Variants in DOCK3 observed in about 807,000 individuals in gnomAD.
The protein encoded by DOCK3 is dedicator of cytokinesis 3.
A neutral mutation model predicts 265.6 loss-of-function variants in DOCK3; 60 were observed. That is an observed-to-expected ratio of 0.23 (90% CI 0.18 to 0.28). DOCK3 has a LOEUF of 0.28. Ranked by LOEUF, DOCK3 falls within the 10% of genes least tolerant of loss-of-function variation. DOCK3 has a pLI of 1.00. For synonymous variants in DOCK3, 881 were observed against 938.0 expected (o/e 0.94, Z 1.11); for missense variants, 1,981 against 2,594.3 (o/e 0.76, Z 5.14).
chr3:50,909,318 C>G (rs1005085917), intron 4 of DOCK3, among the ~76,000 whole-genome samples: 1 of 152,034 alleles, frequency 6.6e-6, no homozygotes, highest in Non-Finnish European at 1.5e-5. Flanking sequence ...CACTGTTCTT[C>G]TGTGTACTTC....
intron 4 of DOCK3, among the ~76,000 whole-genome samples, chr3:50,923,403 G>A (rs926721725): frequency 6.6e-6 from 1 of 151,938 alleles, no homozygotes; most frequent in Non-Finnish European, 1.5e-5. Context: ...TGAATATTAT[G>A]GAATTCCCTC....
chr3:50,709,724 G>A (rs1332946465), intron 1 of DOCK3, among the ~76,000 whole-genome samples: 3 of 152,192 alleles, frequency 2.0e-5, no homozygotes, highest in Non-Finnish European at 4.4e-5. Flanking sequence ...TACTTGGGAG[G>A]CTGAGGCAGG....
intron 5 of DOCK3, among the ~76,000 whole-genome samples, chr3:50,935,292 T>C (rs2051294489): frequency 6.6e-6 from 1 of 152,182 alleles, no homozygotes; most frequent in Non-Finnish European, 1.5e-5. Context: ...GTGGAATCCA[T>C]AACCAGTACT....
At chr3:51,180,218 A>AC (rs2087204696) in intron 12 of DOCK3, among the ~76,000 whole-genome samples, 2 of 148,590 alleles carry the variant, frequency 1.3e-5, no homozygotes, top group South Asian at 4.2e-4. Context: ...AAAAAAAAAA[A>AC]AAAAAAAACA....
intron 1 of DOCK3, among the ~76,000 whole-genome samples, chr3:50,756,740 G>T (rs1166325387): frequency 6.6e-6 from 1 of 152,070 alleles, no homozygotes; most frequent in Non-Finnish European, 1.5e-5. Flanking sequence ...CATGCAGACT[G>T]GTATCTTGTG....
chr3:50,682,869 G>A (rs1449702978), intron 1 of DOCK3, among the ~76,000 whole-genome samples: 2 of 152,366 alleles, frequency 1.3e-5, no homozygotes, highest in Non-Finnish European at 2.9e-5. Flanking sequence ...AACCTGGGAG[G>A]CGGAGGTTGT....
intron 1 of DOCK3, among the ~76,000 whole-genome samples, chr3:50,745,817 A>C (rs1049518318): frequency 2.6e-5 from 4 of 152,230 alleles, no homozygotes; most frequent in Non-Finnish European, 5.9e-5. Context: ...CGTGGTTGTT[A>C]TAAGTGTCCA....
At chr3:51,313,156 G>GA (rs1246802179) in intron 31 of DOCK3, among the ~76,000 whole-genome samples, 2 of 151,540 alleles carry the variant, frequency 1.3e-5, no homozygotes, top group Admixed American at 6.6e-5. Context: ...AAAGTCAAAA[G>GA]AAAAAAAAGA....
intron 9 of DOCK3, among the ~76,000 whole-genome samples, chr3:51,131,013 A>G (rs75738550): frequency 0.025 from 3,844 of 152,084 alleles, 185 homozygotes; most frequent in African/African-American, 0.088. Flanking sequence ...CGGGCACAAT[A>G]GTTTTTTAGT....
At chr3:51,132,387 G>T (rs762755915) in intron 9 of DOCK3, among the ~76,000 whole-genome samples, 5 of 152,110 alleles carry the variant, frequency 3.3e-5, no homozygotes, top group Non-Finnish European at 7.3e-5. Context: ...TCACCTCTAG[G>T]GGCCCGCTGG....
At chr3:50,929,472 C>A (rs537586173) in intron 4 of DOCK3, among the ~76,000 whole-genome samples, 1 of 152,272 alleles carries the variant, frequency 6.6e-6, no homozygotes, top group East Asian at 1.9e-4. Context: ...TCATGTTGGT[C>A]TTCTTTTCCG....
At chr3:50,980,746 A>T (rs556678542) in intron 5 of DOCK3, among the ~76,000 whole-genome samples, 2 of 152,108 alleles carry the variant, frequency 1.3e-5, no homozygotes, top group East Asian at 3.8e-4. Flanking sequence ...TTGTTAGTAT[A>T]TAGTTCATAA....
intron 12 of DOCK3, among the ~76,000 whole-genome samples, chr3:51,170,015 C>A (rs2086598364): frequency 6.6e-6 from 1 of 152,036 alleles, no homozygotes. Flanking sequence ...TATCTAAAAT[C>A]TGAAATGCTC....
intron 5 of DOCK3, among the ~76,000 whole-genome samples, chr3:50,963,042 G>A (rs571240342): frequency 6.6e-5 from 10 of 152,180 alleles, no homozygotes; most frequent in African/African-American, 9.6e-5. Flanking sequence ...AAAATTAGCC[G>A]GGTGTGGTGG....
chr3:51,005,644 A>C (rs1054709678), intron 5 of DOCK3, among the ~76,000 whole-genome samples: 3 of 152,134 alleles, frequency 2.0e-5, no homozygotes, highest in Non-Finnish European at 2.9e-5. Context: ...ACTCCAATCA[A>C]ATGTTTAGCA....
intron 3 of DOCK3, among the ~76,000 whole-genome samples, chr3:50,855,379 A>G (rs1456774806): frequency 1.3e-5 from 2 of 151,458 alleles, no homozygotes; most frequent in Admixed American, 6.6e-5. Flanking sequence ...GTATTGTATT[A>G]TGTTGTGTTG....
chr3:51,107,571 A>G (rs2083338052), intron 9 of DOCK3, among the ~76,000 whole-genome samples: 1 of 152,196 alleles, frequency 6.6e-6, no homozygotes, highest in Admixed American at 6.5e-5. Flanking sequence ...AGCAGAATAG[A>G]CCAAGCTGAG....
At chr3:51,133,526 G>C (rs2084658653) in intron 9 of DOCK3, among the ~76,000 whole-genome samples, 1 of 151,990 alleles carries the variant, frequency 6.6e-6, no homozygotes, top group Admixed American at 6.6e-5. Flanking sequence ...GTGTTCCATG[G>C]TGTATATGTG....
intron 5 of DOCK3, among the ~76,000 whole-genome samples, chr3:51,020,329 C>T (rs1033365511): frequency 6.6e-6 from 1 of 151,146 alleles, no homozygotes; most frequent in Non-Finnish European, 1.5e-5. Context: ...TTGTTTTTTT[C>T]TCGTAAGTTT....
Sources: gnomAD v4.1 joint callset for allele counts (sites outside exome capture counted in the v4.1 genomes callset) on GRCh38, gnomAD v4.1.1 for gene constraint, MANE v1.5 for transcripts, NCBI Gene and HGNC (gene_info 2026-07-23, HGNC 2026-07-21) for gene names.